The following COBL variants were observed in gnomAD, a reference collection of about 807,000 sequenced individuals.
The protein encoded by COBL is cordon-bleu WH2 repeat protein.
Under a neutral mutation model 98.8 loss-of-function variants are expected in COBL, and 51 were observed. The observed-to-expected ratio is 0.52, with a 90% CI of 0.41 to 0.65. COBL has a LOEUF of 0.65. COBL is among the 30% of genes least tolerant of loss of function. The pLI is 0.00. For synonymous variants in COBL, 634 were observed against 651.7 expected, an observed-to-expected ratio of 0.97 and a Z score of 0.41; for missense variants, 1,617 against 1,617.5, an observed-to-expected ratio of 1.00 and a Z score of 0.01.
intron 7 of COBL, among the ~76,000 whole-genome samples, chr7:51,045,485 T>A (rs778754993): frequency 7.2e-5 from 11 of 151,824 alleles, no homozygotes; most frequent in Non-Finnish European, 1.5e-4. Flanking sequence ...ATAGGCAGAG[T>A]GTGGCAGGCT....
At chr7:51,217,340 C>CT (rs937958755) in intron 2 of COBL, among the ~76,000 whole-genome samples, 3,661 of 127,670 alleles carry the variant, frequency 0.029, 141 homozygotes, top group African/African-American at 0.077. Context: ...TTTTCTTTTT[C>CT]TTTTTTTTTT....
chr7:51,260,902 G>T (rs529356832), intron 1 of COBL, among the ~76,000 whole-genome samples: 28 of 152,280 alleles, frequency 1.8e-4, no homozygotes, highest in Non-Finnish European at 1.5e-5. Context: ...TCTCTGGAGG[G>T]ATAGGGAGGG....
Position 51,265,873 on chromosome 7 carries a change from G to A in COBL, c.42-45929C>T, listed in dbSNP as rs150263200. Among the ~76,000 whole-genome samples the A allele has an allele frequency of 5.7e-3, 865 of 152,142 alleles. 3 individuals are homozygous for A. Among genetic ancestry groups the A allele is most frequent in the African/African-American group, 0.02 (825 of 41,452 alleles). On this transcript the variant is annotated intron_variant, in intron 1 of 12. Coordinates refer to ENST00000265136, the MANE Select transcript of COBL (RefSeq NM_015198.5). ...ACATTCTCAAGAAACAGTCATATGC[G>A]ATTTCCATTACACCTCTGAATTTAT...
intron 4 of COBL, among the ~76,000 whole-genome samples, chr7:51,186,558 T>G (rs776103617): frequency 7.2e-5 from 11 of 152,182 alleles, no homozygotes; most frequent in Non-Finnish European, 1.2e-4. Context: ...TCATCACCTC[T>G]AAGGACTGAG....
chr7:51,175,877 G>GA (rs1562997610), intron 5 of COBL, among the ~76,000 whole-genome samples: 3 of 152,206 alleles, frequency 2.0e-5, no homozygotes, highest in African/African-American at 7.2e-5. Flanking sequence ...CAGTGCCAGG[G>GA]AATCTAGGTG....
chr7:51,114,104 C>T (rs2128981388), intron 6 of COBL, among the ~76,000 whole-genome samples: 1 of 152,266 alleles, frequency 6.6e-6, no homozygotes, highest in Non-Finnish European at 1.5e-5. Flanking sequence ...TAAGCGATCT[C>T]CACCTTTATA....
At chr7:51,276,372 G>T (rs114102198) in intron 1 of COBL, among the ~76,000 whole-genome samples, 2 of 152,178 alleles carry the variant, frequency 1.3e-5, no homozygotes, top group African/African-American at 2.4e-5. Flanking sequence ...AAGGCGAATG[G>T]AACCTGAGCT....
intron 1 of COBL, among the ~76,000 whole-genome samples, chr7:51,280,554 G>T (rs932411287): frequency 6.6e-6 from 1 of 152,184 alleles, no homozygotes; most frequent in Non-Finnish European, 1.5e-5. Context: ...GTCTGTAGGT[G>T]CAGTCACAGG....
chr7:51,155,447 G>A (rs1208817881), intron 5 of COBL, among the ~76,000 whole-genome samples: 1 of 151,762 alleles, frequency 6.6e-6, no homozygotes, highest in African/African-American at 2.4e-5. Context: ...AAAATTAGCT[G>A]GGCATGGTGG....
intron 7 of COBL, among the ~76,000 whole-genome samples, chr7:51,051,373 T>C (rs1361484408): frequency 4.6e-5 from 7 of 152,270 alleles, no homozygotes; most frequent in African/African-American, 1.4e-4. Context: ...GTGTATTTAA[T>C]TTCCAAGAAT....
chr7:51,076,521 C>T (rs1463206928), intron 7 of COBL, among the ~76,000 whole-genome samples: 2 of 152,208 alleles, frequency 1.3e-5, no homozygotes, highest in African/African-American at 2.4e-5. Flanking sequence ...CGATCACTTG[C>T]TTAAAATGTA....
chr7:51,281,329 C>T (rs1423194579), intron 1 of COBL, among the ~76,000 whole-genome samples: 1 of 152,094 alleles, frequency 6.6e-6, no homozygotes, highest in Non-Finnish European at 1.5e-5. Context: ...ATTTTCATGT[C>T]AATGGGATCC....
chr7:51,220,535 G>A (rs888689798), intron 1 of COBL, among the ~76,000 whole-genome samples: 4 of 152,262 alleles, frequency 2.6e-5, no homozygotes, highest in African/African-American at 9.6e-5. Context: ...GATTACTAAC[G>A]CATAACCCCC....
chr7:51,081,655 C>T (rs1005848538), intron 7 of COBL, among the ~76,000 whole-genome samples: 2 of 152,222 alleles, frequency 1.3e-5, no homozygotes, highest in Non-Finnish European at 2.9e-5. Flanking sequence ...GCTCTCCCAT[C>T]CTGTGCAGGC....
intron 6 of COBL, among the ~76,000 whole-genome samples, chr7:51,094,127 C>A (rs1795070143): frequency 6.6e-6 from 1 of 151,774 alleles, no homozygotes; most frequent in Admixed American, 6.6e-5. Flanking sequence ...TAAGACAGCA[C>A]AAAGAGACAA....
intron 1 of COBL, among the ~76,000 whole-genome samples, chr7:51,279,347 ACTTT>A (rs978580048): frequency 6.6e-6 from 1 of 152,264 alleles, no homozygotes; most frequent in African/African-American, 2.4e-5. Flanking sequence ...CGTGCATTAT[ACTTT>A]CTTTAATAAT....
chr7:51,039,447 G>C (rs1238480730), intron 8 of COBL, among the ~76,000 whole-genome samples: 1 of 152,168 alleles, frequency 6.6e-6, no homozygotes, highest in Non-Finnish European at 1.5e-5. Context: ...CCTGAGTTCT[G>C]CTGCCTGGGC....
At chr7:51,159,321 G>A (rs540159887) in intron 5 of COBL, among the ~76,000 whole-genome samples, 36 of 152,310 alleles carry the variant, frequency 2.4e-4, no homozygotes, top group African/African-American at 8.4e-4. Context: ...TCTTGAAGGC[G>A]ACAGACGCTA....
In COBL at chr7:51,294,331, A is replaced by AATAAATAT. The variant is rs1157898470; in HGVS notation, c.41+22261_41+22262insATATTTAT. 3.8e-5 allele frequency among the ~76,000 whole-genome samples: 5 copies of AATAAATAT among 129,942 alleles called. No individual in the cohort carries two copies. In the South Asian group the frequency reaches 7.3e-4, roughly 19 times the overall value. 85.2% of individuals were successfully genotyped at this position (129,942 alleles called of 152,430 possible). A position where few individuals can be genotyped will look rare whatever the true frequency, so the allele number is the denominator to read the frequency against. ...AAATAAATAAATAAATAAATAAATA[A>AATAAATAT]AAATAAATAAATAAATAAAAGGCAG... is the stretch of plus-strand genomic sequence containing the variant. On this transcript the variant is annotated intron_variant, in intron 1 of 12. Coordinates refer to ENST00000265136, the MANE Select transcript of COBL (RefSeq NM_015198.5).
Sources: gnomAD v4.1 joint callset for allele counts (sites outside exome capture counted in the v4.1 genomes callset) on GRCh38, gnomAD v4.1.1 for gene constraint, MANE v1.5 for transcripts, NCBI Gene and HGNC (gene_info 2026-07-23, HGNC 2026-07-21) for gene names.